NUMB: variants seen among roughly 807,000 people sequenced by gnomAD.
NUMB encodes the protein protein numb homolog.
A neutral mutation model predicts 59.7 loss-of-function variants in NUMB; 29 were observed. That is an observed-to-expected ratio of 0.49 (90% confidence interval 0.36 to 0.66). The LOEUF (loss-of-function observed/expected upper bound fraction) is 0.66. Ranked by LOEUF, NUMB falls within the 30% of genes least tolerant of loss-of-function variation. The pLI is 0.00. For missense variants in NUMB, 723 were observed against 822.0 expected, an observed-to-expected ratio of 0.88 and a Z score of 1.47; for synonymous variants, 288 against 288.2, an observed-to-expected ratio of 1.00 and a Z score of 0.01.
intron 2 of NUMB, among the ~76,000 whole-genome samples, chr14:73,383,932 G>A (rs61985839): frequency 0.16 from 23,773 of 151,876 alleles, 2,688 homozygotes; most frequent in Non-Finnish European, 0.23. Flanking sequence ...CAGAGGAACC[G>A]CTTGAACTCA....
chr14:73,298,027 T>TAC (rs1164894835), intron 6 of NUMB: 1 of 152,182 alleles, frequency 6.6e-6, no homozygotes, highest in Non-Finnish European at 1.5e-5. Flanking sequence ...TAGCTGGGAT[T>TAC]ACAGGCACCT....
intron 3 of NUMB, among the ~76,000 whole-genome samples, chr14:73,362,102 C>A (rs1029382215): frequency 2.0e-5 from 3 of 151,822 alleles, no homozygotes; most frequent in Non-Finnish European, 4.4e-5. Flanking sequence ...ACAAAAAATA[C>A]AAAAACTAGC....
chr14:73,302,420 TTTTTTG>T (rs1890197410), intron 6 of NUMB, among the ~76,000 whole-genome samples: 1 of 146,452 alleles, frequency 6.8e-6, no homozygotes, highest in South Asian at 2.3e-4. Flanking sequence ...TTTTTTTTTT[TTTTTTG>T]AGACGAGTCT....
chr14:73,368,389 C>T (rs1433528252), intron 2 of NUMB, among the ~76,000 whole-genome samples: 1 of 152,048 alleles, frequency 6.6e-6, no homozygotes, highest in Non-Finnish European at 1.5e-5. Context: ...ACCAGCCTGG[C>T]CAACACAGCG....
intron 2 of NUMB, among the ~76,000 whole-genome samples, chr14:73,407,648 C>A (rs1896729087): frequency 6.6e-6 from 1 of 152,148 alleles, no homozygotes. Flanking sequence ...GCTGAACCGA[C>A]TCTGTTAAAT....
chr14:73,318,307 C>T (rs1041953194), intron 5 of NUMB, among the ~76,000 whole-genome samples: 7 of 152,078 alleles, frequency 4.6e-5, no homozygotes, highest in African/African-American at 1.7e-4. Context: ...AAAAAGTTGG[C>T]ATGCAAAATG....
rs1449936275 is a variant in NUMB, at chr14:73,352,702, T to A, written c.126+2924A>T. Among the ~76,000 whole-genome samples, 8 of 50,298 alleles carry A rather than the reference T, an allele frequency of 1.6e-4. No homozygotes were observed. In the East Asian group the frequency reaches 2.4e-3, roughly 15 times the overall value. The allele number at this position is 50,298 out of a possible 152,430, so 33.0% of individuals were successfully genotyped here. A position where few individuals can be genotyped will look rare whatever the true frequency, so the allele number is the denominator to read the frequency against. ...GGCGCCCGCCACCACGTCCAGCTAA[T>A]TTTTTTTTTTTTTGTATTTTTAGTA... is the stretch of plus-strand genomic sequence containing the variant. On this transcript the variant is annotated intron_variant, in intron 4 of 12. Coordinates refer to ENST00000555238, the MANE Select transcript of NUMB (RefSeq NM_001005743.2).
rs904281364 is a variant in NUMB at position 73,458,476 on chromosome 14, G to A, written c.-233+17C>T. Reference sequence around the variant, plus strand: ...GCGACGGCCCCCAGATCTCTGACCCGCGTTACCGGCACTCACCTGCCGCTG... The same window carrying A: ...GCGACGGCCCCCAGATCTCTGACCCACGTTACCGGCACTCACCTGCCGCTG... On this transcript the variant is annotated intron_variant, in intron 1 of 12. Coordinates refer to ENST00000555238, the MANE Select transcript of NUMB (RefSeq NM_001005743.2). The A allele has an allele frequency of 6.6e-6, 1 of 152,082 alleles. No homozygotes were observed. The highest frequency in any genetic ancestry group is 6.6e-5 in the Admixed American group (1 of 15,176). 9.4% of individuals were successfully genotyped at this position (152,082 alleles called of 1,614,324 possible). A position where few individuals can be genotyped will look rare whatever the true frequency, so the allele number is the denominator to read the frequency against.
intron 5 of NUMB, among the ~76,000 whole-genome samples, chr14:73,317,522 G>T (rs1358331471): frequency 6.6e-6 from 1 of 152,110 alleles, no homozygotes; most frequent in Non-Finnish European, 1.5e-5. Flanking sequence ...GGCTGGTCTC[G>T]AACTCCTGAC....
chr14:73,440,500 C>T (rs1324270287), intron 1 of NUMB, among the ~76,000 whole-genome samples: 2 of 151,666 alleles, frequency 1.3e-5, no homozygotes, highest in Non-Finnish European at 2.9e-5. Flanking sequence ...ATATTCACAA[C>T]CTTGGATTGG....
chr14:73,362,029 G>T (rs1287930564), intron 3 of NUMB, among the ~76,000 whole-genome samples: 3 of 152,140 alleles, frequency 2.0e-5, no homozygotes. Context: ...AGCCGAGGTG[G>T]GTGGATTGCT....
chr14:73,398,227 T>C (rs1272908772), intron 2 of NUMB, among the ~76,000 whole-genome samples: 1 of 152,148 alleles, frequency 6.6e-6, no homozygotes, highest in Admixed American at 6.6e-5. Context: ...TTAAATAATT[T>C]AAAGCTATAA....
At chr14:73,352,815 T>A (rs1050049872) in intron 4 of NUMB, among the ~76,000 whole-genome samples, 22 of 150,240 alleles carry the variant, frequency 1.5e-4, no homozygotes, top group African/African-American at 4.9e-4. Flanking sequence ...GTGCTGGGAT[T>A]ACAGGCATGA....
At chr14:73,439,289 C>T (rs1408638492) in intron 1 of NUMB, among the ~76,000 whole-genome samples, 1 of 152,072 alleles carries the variant, frequency 6.6e-6, no homozygotes, top group African/African-American at 2.4e-5. Flanking sequence ...ACATAAAACT[C>T]GAACACTCTG....
Position 73,277,429 on chromosome 14 carries a change from A to G in NUMB, c.1241-136T>C. Reference sequence around the variant, plus strand: ...GGGACATTTTGTGGTTTTGATAGGTAGGAGTAAAGTCTCTATTACCAACTG... The same window carrying G: ...GGGACATTTTGTGGTTTTGATAGGTGGGAGTAAAGTCTCTATTACCAACTG... On this transcript the variant is annotated intron_variant, in intron 12 of 12. Transcript: ENST00000555238. 3 of 698,210 alleles carry G rather than the reference A, an allele frequency of 4.3e-6. No individual in the cohort carries two copies. In the East Asian group the frequency reaches 8.2e-5, roughly 19 times the overall value. 43.3% of individuals were successfully genotyped at this position (698,210 alleles called of 1,614,324 possible).
intron 1 of NUMB, among the ~76,000 whole-genome samples, chr14:73,424,203 ATAAAAAAGAAGAAACATT>A (rs1897483894): frequency 6.6e-6 from 1 of 152,130 alleles, no homozygotes. Flanking sequence ...AGATTGAAAA[ATAAAAAAGAAGAAACATT>A]TAAAAAGAAA....
intron 2 of NUMB, among the ~76,000 whole-genome samples, chr14:73,392,912 G>A (rs576680058): frequency 3.3e-5 from 5 of 152,090 alleles, no homozygotes; most frequent in African/African-American, 1.2e-4. Flanking sequence ...CTGGGCGGGG[G>A]GAGTTCTATG....
intron 2 of NUMB, among the ~76,000 whole-genome samples, chr14:73,370,450 G>C (rs1454726892): frequency 2.6e-5 from 4 of 152,302 alleles, no homozygotes; most frequent in African/African-American, 9.6e-5. Context: ...CCAGCACTTT[G>C]GGAGGCCGAG....
chr14:73,398,392 C>CAGAGAGAGAGAG (rs1171734636), intron 2 of NUMB, among the ~76,000 whole-genome samples: 39 of 133,832 alleles, frequency 2.9e-4, no homozygotes, highest in African/African-American at 1.1e-3. Flanking sequence ...GAGACACACA[C>CAGAGAGAGAGAG]AGAGAGAGAG....
Sources: gnomAD v4.1 joint callset for allele counts (sites outside exome capture counted in the v4.1 genomes callset) on GRCh38, gnomAD v4.1.1 for gene constraint, MANE v1.5 for transcripts, NCBI Gene and HGNC (gene_info 2026-07-23, HGNC 2026-07-21) for gene names.